Variants in GSG1 observed in about 807,000 individuals in gnomAD.
GSG1 encodes germ cell associated 1.
In GSG1, 28 loss-of-function variants were observed where a neutral mutation model predicts 30.8. That is an observed-to-expected ratio of 0.91 (90% CI 0.67 to 1.25). The LOEUF (loss-of-function observed/expected upper bound fraction) is 1.25, where lower values mean the gene tolerates loss of function less well. GSG1 is among the 50% of genes most tolerant of loss of function. The probability of loss-of-function intolerance (pLI) is 0.00; values close to 1 mark genes in which losing one functional copy is unlikely to be tolerated. For synonymous variants in GSG1, 162 were observed against 178.0 expected (o/e 0.91, Z 0.71); for missense variants, 435 against 444.7 (o/e 0.98, Z 0.20).
At position 13,097,639 on chromosome 12, in the gene GSG1, G is replaced by A. The variant is rs138337076; in HGVS notation, c.48+5826C>T. On this transcript the variant is annotated intron_variant, in intron 1 of 6. Coordinates refer to ENST00000651961, the MANE Select transcript of GSG1 (RefSeq NM_001080555.4). ...TGAACTGAGTTCAGAACAATCTTTGGAAGTTTGGAAAATATGCCGATTCCT... is the reference window on the plus strand; with the variant it reads ...TGAACTGAGTTCAGAACAATCTTTGAAAGTTTGGAAAATATGCCGATTCCT... Among the ~76,000 whole-genome samples, 152 of 152,290 alleles carry A rather than the reference G, an allele frequency of 1.0e-3. 1 individual carries two copies. The South Asian group carries it at 0.011, about 11-fold the overall frequency.
intron 1 of GSG1, among the ~76,000 whole-genome samples, chr12:13,099,351 C>T (rs1301713098): frequency 1.3e-5 from 2 of 152,210 alleles, no homozygotes; most frequent in Non-Finnish European, 2.9e-5. Context: ...TGACTCAGCA[C>T]AGACACGAAG....
chr12:13,090,640 A>C lies in GSG1; in HGVS notation c.227T>G (p.Val76Gly). Residue 76 changes from valine to glycine, a missense_variant, in exon 2 of 7, where the codon GTG becomes GGG. Val to Gly is a moderately radical substitution (Grantham distance 109). Transcript: ENST00000651961. ...TGTGTTGGTATCTCCATCCAGGGAC[A>C]CTGGCATGTCAAAGCACTTGGCTGC... ...GLAAKCFDMP[V>G]SLDGDTNTST... 1 of 1,614,232 alleles carries C rather than the reference A, an allele frequency of 6.2e-7. No individual in the cohort carries two copies. Among genetic ancestry groups the C allele is most frequent in the Non-Finnish European group, 8.5e-7 (1 of 1,180,042 alleles).
Position 13,085,168 on chromosome 12 carries a change from C to T in GSG1, c.822G>A (p.Leu274=), listed in dbSNP as rs1865397580. ...TTFNTYTRMV[L]EFKCKHSKSF... ...TCTTACTATGCTTGCACTTGAACTCCAGCACCATCCTGGTGTACGTGTTGA... is the reference window on the plus strand; with the variant it reads ...TCTTACTATGCTTGCACTTGAACTCTAGCACCATCCTGGTGTACGTGTTGA... Residue 274 remains leucine (L), a synonymous_variant, in exon 7 of 7, where the codon CTG becomes CTA. Coordinates refer to ENST00000651961, the MANE Select transcript of GSG1 (RefSeq NM_001080555.4). The T allele has an allele frequency of 6.2e-7, 1 of 1,614,182 alleles. No homozygotes were observed. Among genetic ancestry groups the T allele is most frequent in the Non-Finnish European group, 8.5e-7 (1 of 1,180,020 alleles).
chr12:13,088,182 G>A, intron 4 of GSG1, 123 bp from the exon 5 acceptor site: 2 of 1,029,520 alleles, frequency 1.9e-6, no homozygotes, highest in East Asian at 2.4e-5. Flanking sequence ...GGAGAATGAG[G>A]CACAGCTGAA....
chr12:13,088,633 AC>A (rs1355072051), intron 4 of GSG1: 28 of 1,032,818 alleles, frequency 2.7e-5, no homozygotes, highest in Non-Finnish European at 3.7e-5. Context: ...AATTTGTGTC[AC>A]CCTTTGGGGC....
intron 5 of GSG1, among the ~76,000 whole-genome samples, chr12:13,087,703 C>T (rs1383050448): frequency 6.6e-6 from 1 of 152,200 alleles, no homozygotes; most frequent in Non-Finnish European, 1.5e-5. Flanking sequence ...ATAAAGGAAC[C>T]TAGAGGTAAA....
rs1207212345 is a variant in GSG1, at chr12:13,100,128, C to T, written c.48+3337G>A. On this transcript the variant is annotated intron_variant, in intron 1 of 6. Transcript: ENST00000651961. ...TCCTCAGAGCCTAGCAGTGTTTTAACATCTATGAATGAATGAATGAATGAA... is the reference window on the plus strand; with the variant it reads ...TCCTCAGAGCCTAGCAGTGTTTTAATATCTATGAATGAATGAATGAATGAA... Among the ~76,000 whole-genome samples, 4 of 132,940 alleles carry T rather than the reference C, an allele frequency of 3.0e-5. No individual in the cohort carries two copies. The East Asian group carries it at 7.9e-4, about 26-fold the overall frequency. 87.2% of individuals were successfully genotyped at this position (132,940 alleles called of 152,430 possible). A position where few individuals can be genotyped will look rare whatever the true frequency, so the allele number is the denominator to read the frequency against.
chr12:13,099,750 G>GTTTTTTTTTTTTTTTTTTTTTT (rs57762367), intron 1 of GSG1, among the ~76,000 whole-genome samples: 13 of 114,832 alleles, frequency 1.1e-4, no homozygotes, highest in Non-Finnish European at 1.6e-4. Context: ...GTTTTTTTTT[G>GTTTTTTTTTTTTTTTTTTTTTT]TTTTTTTTTT....
In GSG1 at chr12:13,101,205, G is replaced by A. The variant is rs1019241865; in HGVS notation, c.48+2260C>T. On this transcript the variant is annotated intron_variant, in intron 1 of 6. Coordinates refer to ENST00000651961, the MANE Select transcript of GSG1 (RefSeq NM_001080555.4). This position sits in a 1 kb window ranked among gnomAD's most constrained non-coding sequence, Gnocchi z 5.8. ...GCGGGGCGGGGGCGTAACGGGTGGG[G>A]CCTCTCGGGGGTGCCTGGGCCGCGC... Among the ~76,000 whole-genome samples the A allele has an allele frequency of 6.6e-6, 1 of 151,960 alleles. No individual in the cohort carries two copies. The highest frequency in any genetic ancestry group is 1.5e-5 in the Non-Finnish European group (1 of 67,942).
chr12:13,090,846 G>T (rs1435167853), intron 1 of GSG1, 28 bp from the exon 2 acceptor site: 1 of 1,578,222 alleles, frequency 6.3e-7, no homozygotes. Flanking sequence ...AAGTGGAAGG[G>T]AAGGGAGCAG....
intron 6 of GSG1, among the ~76,000 whole-genome samples, chr12:13,086,378 TG>T (rs760375357): frequency 9.2e-5 from 14 of 152,204 alleles, no homozygotes; most frequent in Non-Finnish European, 1.2e-4. Flanking sequence ...ACAACAGACT[TG>T]CAGGCTTCCT....
chr12:13,087,809 TG>T, intron 5 of GSG1, 97 bp downstream of exon 5: 2 of 1,283,352 alleles, frequency 1.6e-6, no homozygotes, highest in South Asian at 1.6e-5. Context: ...AAAGAGCCTT[TG>T]GGCTCCTCCC....
At chr12:13,090,361 G>A in intron 2 of GSG1, 142 bp downstream of exon 2, 2 of 685,210 alleles carry the variant, frequency 2.9e-6, no homozygotes, top group South Asian at 1.9e-5. Context: ...TGGGAGAAGG[G>A]AGTGAGGCCC....
intron 1 of GSG1, among the ~76,000 whole-genome samples, chr12:13,091,902 T>C (rs1231263490): frequency 3.3e-5 from 5 of 152,252 alleles, no homozygotes; most frequent in Non-Finnish European, 7.3e-5. Context: ...CTGCCTCTTA[T>C]CAGTGGTTTT....
Position 13,090,686 on chromosome 12 carries a change from G to C in GSG1, c.181C>G (p.Pro61Ala). 1 of 1,614,226 alleles carries C rather than the reference G, an allele frequency of 6.2e-7. No homozygotes were observed. Among genetic ancestry groups the C allele is most frequent in the Non-Finnish European group, 8.5e-7 (1 of 1,180,036 alleles). ...WFVGTQKVPK[P>A]LCEKGLAAKC... ...GCTGCCAGACCTTTCTCGCACAGGG[G>C]CTTGGGCACCTTCTGTGTGCCCACA... The change falls in exon 2 of 7, where the codon CCC (proline) becomes GCC (alanine). Residue 61 changes from proline (P) to alanine (A), a missense_variant. Transcript: ENST00000651961.
chr12:13,089,787 A>C lies in GSG1; in HGVS notation c.365-511T>G, dbSNP rs1056514352. On this transcript the variant is annotated intron_variant, in intron 2 of 6. Coordinates refer to ENST00000651961, the MANE Select transcript of GSG1 (RefSeq NM_001080555.4). ...AGTTATAGGCTGGGCATGGTGGCTC[A>C]TGTCTGTAATCTCAGCACTTTGGGA... is the stretch of plus-strand genomic sequence containing the variant. 1.5e-3 allele frequency among the ~76,000 whole-genome samples: 226 copies of C among 152,362 alleles called. 2 individuals are homozygous for C. Among genetic ancestry groups the C allele is most frequent in the Non-Finnish European group, 9.8e-4 (67 of 68,042 alleles).
chr12:13,085,535 G>A (rs1865439653), intron 6 of GSG1, among the ~76,000 whole-genome samples: 1 of 151,892 alleles, frequency 6.6e-6, no homozygotes, highest in Non-Finnish European at 1.5e-5. Flanking sequence ...GTGTGTGTAT[G>A]TCTGTGCATA....
At chr12:13,098,931 A>T (rs144756759) in intron 1 of GSG1, among the ~76,000 whole-genome samples, 1 of 151,782 alleles carries the variant, frequency 6.6e-6, no homozygotes, top group East Asian at 1.9e-4. Flanking sequence ...TCCCCTACTC[A>T]CTCCACCTCT....
intron 1 of GSG1, 55 bp downstream of exon 1, chr12:13,103,410 G>A (rs373351655): frequency 2.0e-5 from 25 of 1,278,234 alleles, no homozygotes; most frequent in Non-Finnish European, 2.9e-5. Context: ...TACAAATCCA[G>A]CAGTAAAGAT....
Sources: allele counts gnomAD v4.1 joint callset (sites outside exome capture counted in the v4.1 genomes callset), GRCh38; gene constraint gnomAD v4.1.1; non-coding constraint Gnocchi (gnomAD v3.1); transcripts MANE v1.5; gene names NCBI Gene and HGNC (gene_info 2026-07-23, HGNC 2026-07-21).